The following SKAP2 variants were observed in gnomAD, a reference collection of about 807,000 sequenced individuals.
The protein encoded by SKAP2 is src kinase associated phosphoprotein 2.
Under a neutral mutation model 54.9 loss-of-function variants are expected in SKAP2, and 28 were observed. The ratio of observed to expected loss-of-function variants is 0.51; its 90% CI spans 0.38 to 0.70. The LOEUF (loss-of-function observed/expected upper bound fraction) is 0.70, where lower values mean the gene tolerates loss of function less well. SKAP2 is among the 30% of genes least tolerant of loss of function. The pLI is 0.00. For missense variants in SKAP2, 356 were observed against 424.1 expected (o/e 0.84, Z 1.41); for synonymous variants, 137 against 134.3 (o/e 1.02, Z -0.14).
At chr7:26,819,613 T>G (rs547024572) in intron 4 of SKAP2, among the ~76,000 whole-genome samples, 6 of 152,098 alleles carry the variant, frequency 3.9e-5, no homozygotes, top group African/African-American at 1.4e-4. Flanking sequence ...CCCTTCTCAG[T>G]GTTCACAAGA....
At chr7:26,787,269 C>T (rs1562610141) in intron 4 of SKAP2, among the ~76,000 whole-genome samples, 1 of 151,620 alleles carries the variant, frequency 6.6e-6, no homozygotes, top group African/African-American at 2.4e-5. Context: ...GTTCCGCAGG[C>T]TGTGCAAGTA....
intron 4 of SKAP2, among the ~76,000 whole-genome samples, chr7:26,758,563 C>T (rs144164043): frequency 8.5e-5 from 13 of 152,256 alleles, no homozygotes; most frequent in African/African-American, 2.9e-4. Flanking sequence ...ATTCCCTCAC[C>T]TTTCTCCACT....
chr7:26,766,872 G>A (rs1465200227), intron 4 of SKAP2, among the ~76,000 whole-genome samples: 1 of 152,172 alleles, frequency 6.6e-6, no homozygotes, highest in East Asian at 1.9e-4. Context: ...CAGTTTGCCA[G>A]TATTTTATTG....
rs1785336568 is a variant in SKAP2, at chr7:26,864,576, CACA to C, written c.-150_-148del. On this transcript the variant is annotated 5_prime_UTR_variant, in exon 1 of 13. Transcript: ENST00000345317. ...GTCGGGACACTGCCGGGCCGGGGCT[CACA>C]ACAAGGAAGTCACTGAATCTCCAGC... The C allele has an allele frequency of 7.0e-7, 1 of 1,418,726 alleles. No individual in the cohort carries two copies. 87.9% of individuals were successfully genotyped at this position (1,418,726 alleles called of 1,614,324 possible).
chr7:26,779,905 A>T (rs1047410048), intron 4 of SKAP2, among the ~76,000 whole-genome samples: 2 of 152,206 alleles, frequency 1.3e-5, no homozygotes, highest in African/African-American at 4.8e-5. Context: ...AAATTAGATG[A>T]CCTGCACTGA....
chr7:26,741,686 C>T (rs1477692125), intron 4 of SKAP2, among the ~76,000 whole-genome samples: 1 of 151,974 alleles, frequency 6.6e-6, no homozygotes, highest in Admixed American at 6.6e-5. Flanking sequence ...GATTATCATG[C>T]ATTGTATGCC....
intron 4 of SKAP2, among the ~76,000 whole-genome samples, chr7:26,839,450 A>G (rs1206960336): frequency 6.6e-6 from 1 of 152,144 alleles, no homozygotes; most frequent in Non-Finnish European, 1.5e-5. Flanking sequence ...TAAAAACAAA[A>G]GTGAAATGTT....
At chr7:26,856,972 G>GAA (rs76065541) in intron 1 of SKAP2, among the ~76,000 whole-genome samples, 5 of 99,708 alleles carry the variant, frequency 5.0e-5, no homozygotes, top group African/African-American at 1.1e-4. Context: ...TAAAAATTCA[G>GAA]AAAAAAAAAA....
intron 4 of SKAP2, among the ~76,000 whole-genome samples, chr7:26,781,588 C>T (rs745365681): frequency 2.3e-4 from 35 of 152,178 alleles, no homozygotes; most frequent in Non-Finnish European, 4.0e-4. Flanking sequence ...AGGCATTCTC[C>T]CTAGGCTTTG....
chr7:26,845,826 G>A (rs1382503163), intron 3 of SKAP2, among the ~76,000 whole-genome samples: 1 of 152,040 alleles, frequency 6.6e-6, no homozygotes, highest in East Asian at 1.9e-4. Flanking sequence ...CACATCTGTG[G>A]GAGGCTGAGG....
At position 26,725,506 on chromosome 7, in the gene SKAP2, C is replaced by T. The variant is rs775145779; in HGVS notation, c.718G>A (p.Val240Ile). ...YDERGELYDD[V>I]DHPLPISNPL... ...TTGCTTATTGGTAGAGGATGATCAA[C>T]ATCATCATATAATTCTCCTCTCTCA... The change falls in exon 9 of 13, where the codon GTT becomes ATT. Residue 240 changes from valine (V) to isoleucine (I), a missense_variant. Val to Ile is a conservative substitution (Grantham distance 29). Coordinates refer to ENST00000345317, the MANE Select transcript of SKAP2 (RefSeq NM_003930.5). The T allele has an allele frequency of 4.3e-6, 7 of 1,611,298 alleles. No homozygotes were observed. The highest frequency in any genetic ancestry group is 5.9e-6 in the Non-Finnish European group (7 of 1,178,972).
chr7:26,672,548 T>C (rs189265083), intron 11 of SKAP2, among the ~76,000 whole-genome samples: 28 of 152,120 alleles, frequency 1.8e-4, no homozygotes, highest in African/African-American at 6.0e-4. Flanking sequence ...ATACACTTGA[T>C]AAAAATACTC....
intron 3 of SKAP2, among the ~76,000 whole-genome samples, chr7:26,849,618 G>C (rs1784997138): frequency 6.7e-6 from 1 of 150,078 alleles, no homozygotes; most frequent in South Asian, 2.1e-4. Context: ...CCAGGAGGTA[G>C]AGGTTGTAGT....
intron 4 of SKAP2, among the ~76,000 whole-genome samples, chr7:26,767,329 T>C (rs1416360614): frequency 6.6e-6 from 1 of 152,184 alleles, no homozygotes; most frequent in African/African-American, 2.4e-5. Flanking sequence ...CATTATCATT[T>C]TTTATTGTGT....
chr7:26,864,363 C>G lies in SKAP2; in HGVS notation c.67G>C (p.Asp23His). Residue 23 changes from aspartate (D) to histidine (H), a missense_variant and splice_region_variant, in exon 1 of 13, where the codon GAT becomes CAT. Coordinates refer to ENST00000345317, the MANE Select transcript of SKAP2 (RefSeq NM_003930.5). ...TTATCGCCGCCTTCCCGCTCTTTAC[C>G]TGCCAACAGGTTCCTAATTTCCTCA... ...LPEEIRNLLA[D>H]VETFVADILK... 6.2e-7 allele frequency: 1 copy of G among 1,613,836 alleles called. No homozygotes were observed.
At chr7:26,842,048 T>C (rs554892054) in intron 4 of SKAP2, among the ~76,000 whole-genome samples, 14 of 151,980 alleles carry the variant, frequency 9.2e-5, no homozygotes, top group Non-Finnish European at 1.5e-4. Context: ...GAAAAACTGA[T>C]ACATTGAGAT....
At chr7:26,863,880 A>G (rs1443886912) in intron 1 of SKAP2, among the ~76,000 whole-genome samples, 1 of 151,954 alleles carries the variant, frequency 6.6e-6, no homozygotes, top group East Asian at 1.9e-4. Context: ...TCACCCCATA[A>G]CCCCTAACAC....
At chr7:26,722,703 C>T (rs1273165361) in intron 9 of SKAP2, among the ~76,000 whole-genome samples, 4 of 152,138 alleles carry the variant, frequency 2.6e-5, no homozygotes, top group Admixed American at 2.6e-4. Context: ...GCCACTGCGC[C>T]CAGCCCATTG....
chr7:26,805,058 T>C (rs1326576040), intron 4 of SKAP2, among the ~76,000 whole-genome samples: 1 of 152,084 alleles, frequency 6.6e-6, no homozygotes, highest in Non-Finnish European at 1.5e-5. Context: ...TTAACAGGGG[T>C]TAGTTTTGAA....
Sources: allele counts gnomAD v4.1 joint callset (sites outside exome capture counted in the v4.1 genomes callset), GRCh38; gene constraint gnomAD v4.1.1; transcripts MANE v1.5; gene names NCBI Gene and HGNC (gene_info 2026-07-23, HGNC 2026-07-21).